PTPN14: variants seen among roughly 807,000 people sequenced by gnomAD.
The protein encoded by PTPN14 is tyrosine-protein phosphatase non-receptor type 14.
In PTPN14, 53 loss-of-function variants were observed where a neutral mutation model predicts 126.8. That is an observed-to-expected ratio of 0.42 (90% CI 0.34 to 0.53). The LOEUF (loss-of-function observed/expected upper bound fraction) is 0.53. PTPN14 is among the 20% of genes least tolerant of loss of function. The pLI is 0.08. For missense variants in PTPN14, 1,257 were observed against 1,552.9 expected (o/e 0.81, Z 3.20); for synonymous variants, 630 against 599.3 (o/e 1.05, Z -0.75).
At chr1:214,369,747 T>C in intron 16 of PTPN14, 56 bp from the exon 17 acceptor site, 2 of 1,480,812 alleles carry the variant, frequency 1.4e-6, no homozygotes, top group Non-Finnish European at 1.9e-6. Flanking sequence ...TCTCATCCTT[T>C]TAATCCTAAG....
In PTPN14 at chr1:214,349,332, G is replaced by A. The variant is rs1279471068; in HGVS notation, c.*8590C>T. 2 of 152,222 alleles carry A rather than the reference G, an allele frequency of 1.3e-5. No homozygotes were observed. The highest frequency in any genetic ancestry group is 4.8e-5 in the African/African-American group (2 of 41,468). 9.4% of individuals were successfully genotyped at this position (152,222 alleles called of 1,614,324 possible). On this transcript the variant is annotated 3_prime_UTR_variant, in exon 19 of 19. Coordinates refer to ENST00000366956, the MANE Select transcript of PTPN14 (RefSeq NM_005401.5). ...TCTGGCTATCACAGCCCTCCATTTG[G>A]GCTGTGGTGGAGGTCAGTGGGCTTC...
chr1:214,439,963 CT>C (rs1172922105), intron 3 of PTPN14, among the ~76,000 whole-genome samples: 1 of 152,224 alleles, frequency 6.6e-6, no homozygotes, highest in Non-Finnish European at 1.5e-5. Flanking sequence ...TCTGTCTGAA[CT>C]ACTTCCTTCT....
rs550080536 is a variant in PTPN14 at position 214,500,261 on chromosome 1, T to C, written c.-154-35304A>G. Among the ~76,000 whole-genome samples, 7 of 152,226 alleles carry C rather than the reference T, an allele frequency of 4.6e-5. No individual in the cohort carries two copies. In the South Asian group the frequency reaches 1.2e-3, roughly 27 times the overall value. On this transcript the variant is annotated intron_variant, in intron 1 of 18. Coordinates refer to ENST00000366956, the MANE Select transcript of PTPN14 (RefSeq NM_005401.5). ...GTCAAAGACACCGGAAAAATAATCT[T>C]AGCAGCCTGGGACAAAGGCAGACTC...
At chr1:214,449,197 G>A (rs1307688519) in intron 3 of PTPN14, among the ~76,000 whole-genome samples, 1 of 150,850 alleles carries the variant, frequency 6.6e-6, no homozygotes, top group Non-Finnish European at 1.5e-5. Flanking sequence ...TAGTAGAGAC[G>A]GGGTTTCACG....
intron 1 of PTPN14, among the ~76,000 whole-genome samples, chr1:214,492,336 G>C (rs998255474): frequency 1.3e-5 from 2 of 152,154 alleles, no homozygotes; most frequent in Non-Finnish European, 2.9e-5. Flanking sequence ...AAATCAGTTT[G>C]GGCCTCTGGC....
intron 1 of PTPN14, among the ~76,000 whole-genome samples, chr1:214,505,604 A>G (rs1654821200): frequency 6.6e-6 from 1 of 152,148 alleles, no homozygotes; most frequent in Admixed American, 6.5e-5. Flanking sequence ...ACTTTTTCTT[A>G]ATAGTTTGCA....
intron 1 of PTPN14, among the ~76,000 whole-genome samples, chr1:214,494,432 G>A (rs1224643349): frequency 2.0e-5 from 3 of 152,108 alleles, no homozygotes; most frequent in Non-Finnish European, 2.9e-5. Context: ...ACAGGCTAAT[G>A]TTCCCCAAGC....
At chr1:214,370,006 C>A (rs893718139) in intron 16 of PTPN14, among the ~76,000 whole-genome samples, 14 of 152,360 alleles carry the variant, frequency 9.2e-5, no homozygotes, top group Admixed American at 4.6e-4. Context: ...GTCAGCCGGG[C>A]GTGGCGGCTC....
chr1:214,368,758 A>G (rs931744900), intron 17 of PTPN14, among the ~76,000 whole-genome samples: 2 of 152,156 alleles, frequency 1.3e-5, no homozygotes, highest in African/African-American at 4.8e-5. Context: ...TGATGCGGGC[A>G]GATCACTTGA....
In PTPN14 at chr1:214,351,313, A is replaced by C. The variant is rs1657704969; in HGVS notation, c.*6609T>G. The stretch of plus-strand genomic sequence containing the variant: ...ACTAAAAAAAAAAAAAAAAAGAAAA[A>C]GAAAAAAAAAAAGGCAGCAGACCCT... On this transcript the variant is annotated 3_prime_UTR_variant, in exon 19 of 19. Coordinates refer to ENST00000366956, the MANE Select transcript of PTPN14 (RefSeq NM_005401.5). 1 of 151,176 alleles carries C rather than the reference A, an allele frequency of 6.6e-6. No individual in the cohort carries two copies. Among genetic ancestry groups the C allele is most frequent in the African/African-American group, 2.4e-5 (1 of 40,892 alleles). The allele number at this position is 151,176 out of a possible 1,614,324, so 9.4% of individuals were successfully genotyped here. A position where few individuals can be genotyped will look rare whatever the true frequency, so the allele number is the denominator to read the frequency against.
chr1:214,363,232 T>C (rs534154291), intron 18 of PTPN14, among the ~76,000 whole-genome samples: 3 of 152,348 alleles, frequency 2.0e-5, no homozygotes, highest in Non-Finnish European at 4.4e-5. Flanking sequence ...TTGCCCCTTT[T>C]CCAATTTTTA....
In PTPN14 at chr1:214,525,595, T is replaced by C. The variant is rs532934167; in HGVS notation, c.-155+25588A>G. Reference sequence around the variant, plus strand: ...AGCACAGAAGTTTCCTCTTTCACTCTGACCGCAAATTCAACCACAGAGTTA... The same window carrying C: ...AGCACAGAAGTTTCCTCTTTCACTCCGACCGCAAATTCAACCACAGAGTTA... On this transcript the variant is annotated intron_variant, in intron 1 of 18. Coordinates refer to ENST00000366956, the MANE Select transcript of PTPN14 (RefSeq NM_005401.5). 7.4e-4 allele frequency among the ~76,000 whole-genome samples: 112 copies of C among 152,346 alleles called. 1 individual carries two copies. The South Asian group carries it at 0.015, about 21-fold the overall frequency.
rs137980066 is a variant in PTPN14, at chr1:214,533,664, T to C, written c.-155+17519A>G. Among the ~76,000 whole-genome samples the C allele has an allele frequency of 3.4e-3, 522 of 151,988 alleles. 3 individuals are homozygous for C. The highest frequency in any genetic ancestry group is 5.9e-3 in the Non-Finnish European group (400 of 67,938). On this transcript the variant is annotated intron_variant, in intron 1 of 18. Transcript: ENST00000366956. The stretch of plus-strand genomic sequence containing the variant: ...GGCTAACACGGTGAAACCCCATCTC[T>C]ACTAAAAATACAAAAACAAAAAATT...
intron 3 of PTPN14, among the ~76,000 whole-genome samples, chr1:214,421,918 C>A (rs2102594662): frequency 6.6e-6 from 1 of 152,268 alleles, no homozygotes; most frequent in Non-Finnish European, 1.5e-5. Flanking sequence ...GTTAGTGAAC[C>A]CTTTCACATC....
chr1:214,401,887 A>C lies in PTPN14; in HGVS notation c.582-115T>G, dbSNP rs1659027334. Reference sequence around the variant, plus strand: ...TTTAGCTCTAGTTTCTGGGAAGAGCAATCATTACCCAACTGTGAGGGTAGG... The same window carrying C: ...TTTAGCTCTAGTTTCTGGGAAGAGCCATCATTACCCAACTGTGAGGGTAGG... On this transcript the variant is annotated intron_variant, in intron 6 of 18. Transcript: ENST00000366956. The C allele has an allele frequency of 3.8e-6, 3 of 799,974 alleles. No individual in the cohort carries two copies. The African/African-American group carries it at 5.2e-5, about 14-fold the overall frequency. The allele number at this position is 799,974 out of a possible 1,614,324, so 49.6% of individuals were successfully genotyped here.
intron 1 of PTPN14, among the ~76,000 whole-genome samples, chr1:214,542,116 T>C (rs1558148518): frequency 6.6e-6 from 1 of 152,176 alleles, no homozygotes; most frequent in Non-Finnish European, 1.5e-5. Context: ...CACACACATA[T>C]ATATGTATGT....
intron 3 of PTPN14, among the ~76,000 whole-genome samples, chr1:214,442,780 T>G (rs534716728): frequency 1.3e-5 from 2 of 152,182 alleles, no homozygotes; most frequent in Non-Finnish European, 2.9e-5. Context: ...CTAGTAGCAG[T>G]AGGTTGCCTC....
rs1214991022 is a variant in PTPN14 at position 214,424,292 on chromosome 1, TA to T, written c.345-9567del. Among the ~76,000 whole-genome samples, 639 of 140,768 alleles carry T rather than the reference TA, an allele frequency of 4.5e-3. 2 individuals are homozygous for T. The highest frequency in any genetic ancestry group is 6.2e-3 in the Non-Finnish European group (397 of 64,252). The allele number at this position is 140,768 out of a possible 152,430, so 92.3% of individuals were successfully genotyped here. A position where few individuals can be genotyped will look rare whatever the true frequency, so the allele number is the denominator to read the frequency against. ...CCTGGGCAACAGAGTGAGACTCTATTAAAAAAAAAAAAAATCAGAGTACCAC... is the reference window on the plus strand; with the variant it reads ...CCTGGGCAACAGAGTGAGACTCTATTAAAAAAAAAAAAATCAGAGTACCAC... On this transcript the variant is annotated intron_variant, in intron 3 of 18. Transcript: ENST00000366956.
In PTPN14 at chr1:214,393,586, A is replaced by G. The variant is rs1448045463; in HGVS notation, c.929+109T>C. The stretch of plus-strand genomic sequence containing the variant: ...TTAGCTTACTTCATTAGCTTCTACA[A>G]GGAACAAGGAAAAAGAGTGAATAGG... On this transcript the variant is annotated intron_variant, in intron 10 of 18. Transcript: ENST00000366956. The G allele has an allele frequency of 5.6e-6, 5 of 899,320 alleles. No homozygotes were observed. In the African/African-American group the frequency reaches 6.8e-5, roughly 12 times the overall value. The allele number at this position is 899,320 out of a possible 1,614,324, so 55.7% of individuals were successfully genotyped here. A position where few individuals can be genotyped will look rare whatever the true frequency, so the allele number is the denominator to read the frequency against.
Sources: allele counts gnomAD v4.1 joint callset (sites outside exome capture counted in the v4.1 genomes callset), GRCh38; gene constraint gnomAD v4.1.1; transcripts MANE v1.5; gene names NCBI Gene and HGNC (gene_info 2026-07-23, HGNC 2026-07-21).